ZBBX: variants seen among roughly 807,000 people sequenced by gnomAD.
The protein encoded by ZBBX is zinc finger B-box domain containing.
A neutral mutation model predicts 108.5 loss-of-function variants in ZBBX; 101 were observed. That is an observed-to-expected ratio of 0.93 (90% CI 0.79 to 1.10). ZBBX has a LOEUF of 1.10. Ranked by LOEUF, ZBBX falls within the 50% of genes least tolerant of loss-of-function variation. ZBBX has a pLI of 0.00. For missense variants in ZBBX, 1,009 were observed against 941.4 expected (o/e 1.07, Z -0.94); for synonymous variants, 356 against 323.4 (o/e 1.10, Z -1.08).
intron 9 of ZBBX, among the ~76,000 whole-genome samples, chr3:167,336,826 T>C (rs1739633156): frequency 6.6e-6 from 1 of 152,248 alleles, no homozygotes; most frequent in Admixed American, 6.5e-5. Context: ...TTTGTTTGTT[T>C]CTTTGCTTTT....
intron 19 of ZBBX, among the ~76,000 whole-genome samples, chr3:167,286,936 C>T (rs1306864867): frequency 6.6e-6 from 1 of 152,058 alleles, no homozygotes; most frequent in Non-Finnish European, 1.5e-5. Context: ...TGTGACAGAG[C>T]CAGGCAATTT....
At chr3:167,361,879 T>C (rs181481505) in intron 6 of ZBBX, among the ~76,000 whole-genome samples, 2 of 152,192 alleles carry the variant, frequency 1.3e-5, no homozygotes, top group Non-Finnish European at 2.9e-5. Flanking sequence ...TGGATAGATA[T>C]GCCCAAGCAA....
chr3:167,352,187 C>A (rs1224812045), intron 8 of ZBBX, among the ~76,000 whole-genome samples: 1 of 151,604 alleles, frequency 6.6e-6, no homozygotes, highest in Non-Finnish European at 1.5e-5. Context: ...TGTAAAAAAT[C>A]AACAAAATGA....
intron 11 of ZBBX, among the ~76,000 whole-genome samples, chr3:167,325,961 C>G (rs942567314): frequency 6.6e-6 from 1 of 152,040 alleles, no homozygotes; most frequent in South Asian, 2.1e-4. Flanking sequence ...AGAGTACAAC[C>G]AACACAGTAA....
chr3:167,255,516 T>C (rs1438717089), intron 20 of ZBBX, among the ~76,000 whole-genome samples: 1 of 152,118 alleles, frequency 6.6e-6, no homozygotes, highest in Non-Finnish European at 1.5e-5. Context: ...CAGTATGATC[T>C]AGATTAGCAT....
chr3:167,265,369 A>G (rs1030947504), intron 20 of ZBBX, among the ~76,000 whole-genome samples: 1 of 152,078 alleles, frequency 6.6e-6, no homozygotes, highest in Non-Finnish European at 1.5e-5. Context: ...GTGTCAAGAA[A>G]TATCATCTAG....
At chr3:167,386,468 G>C (rs1209827213) in intron 1 of ZBBX, among the ~76,000 whole-genome samples, 1 of 152,000 alleles carries the variant, frequency 6.6e-6, no homozygotes, top group Non-Finnish European at 1.5e-5. Flanking sequence ...CAGCAGTAGA[G>C]CGTTGATCTG....
rs184688170 is a variant in ZBBX at position 167,265,711 on chromosome 3, C to G, written c.2254+16527G>C. Among the ~76,000 whole-genome samples the G allele has an allele frequency of 3.3e-4, 50 of 152,294 alleles. No individual in the cohort carries two copies. In the East Asian group the frequency reaches 5.0e-3, roughly 15 times the overall value. Reference sequence around the variant, plus strand: ...TGCCTTTCAAGTTTACCTATGACCCCCAGGCACTTCAGCTCAATGTGGCAT... The same window carrying G: ...TGCCTTTCAAGTTTACCTATGACCCGCAGGCACTTCAGCTCAATGTGGCAT... On this transcript the variant is annotated intron_variant, in intron 20 of 21. Coordinates refer to ENST00000675490, the MANE Select transcript of ZBBX (RefSeq NM_001199201.2).
intron 14 of ZBBX, 142 bp from the exon 15 acceptor site, chr3:167,315,971 A>G: frequency 1.9e-6 from 1 of 532,368 alleles, no homozygotes; most frequent in East Asian, 3.0e-5. Context: ...TATAACACAT[A>G]AGTTCTAGGA....
intron 20 of ZBBX, among the ~76,000 whole-genome samples, chr3:167,243,245 C>A (rs1433865630): frequency 6.6e-6 from 1 of 152,236 alleles, no homozygotes; most frequent in East Asian, 1.9e-4. Context: ...ATATAAACTA[C>A]CAAAAATTCA....
At chr3:167,188,646 C>T in the ZBBX span, among the ~76,000 whole-genome samples, 34 of 152,304 alleles carry the variant, frequency 2.2e-4, no homozygotes, top group East Asian at 6.2e-3. Flanking sequence ...AAACTTATTT[C>T]CTTTTCCTTT....
At chr3:167,216,134 C>T in the ZBBX span, among the ~76,000 whole-genome samples, 1 of 152,092 alleles carries the variant, frequency 6.6e-6, no homozygotes, top group Non-Finnish European at 1.5e-5. Context: ...CCAGAGCAAT[C>T]AGGCAAGAGA....
At chr3:167,264,990 T>C (rs1240198301) in intron 20 of ZBBX, among the ~76,000 whole-genome samples, 1 of 152,228 alleles carries the variant, frequency 6.6e-6, no homozygotes, top group Non-Finnish European at 1.5e-5. Flanking sequence ...ATCTGGCCCA[T>C]GCCAGGCCAA....
intron 16 of ZBBX, among the ~76,000 whole-genome samples, chr3:167,306,625 TGA>T (rs1159839088): frequency 6.6e-6 from 1 of 152,216 alleles, no homozygotes; most frequent in Non-Finnish European, 1.5e-5. Context: ...AATCAGATCC[TGA>T]GAGTGGAACT....
chr3:167,238,295 C>G (rs1003604352), downstream of ZBBX, among the ~76,000 whole-genome samples: 2 of 151,958 alleles, frequency 1.3e-5, no homozygotes, highest in African/African-American at 4.8e-5. Context: ...GGGATTGTGA[C>G]AGAGGACATG....
chr3:167,314,312 G>C (rs1735074458), intron 15 of ZBBX, among the ~76,000 whole-genome samples, 196 bp from the exon 16 acceptor site: 1 of 152,088 alleles, frequency 6.6e-6, no homozygotes, highest in Non-Finnish European at 1.5e-5. Context: ...GATTTAAGAT[G>C]AATAGGTAAC....
chr3:167,317,621 T>C, intron 12 of ZBBX, 24 bp from the exon 13 acceptor site: 1 of 1,522,156 alleles, frequency 6.6e-7, no homozygotes, highest in South Asian at 1.2e-5. Context: ...AAGAAGCAAT[T>C]AAGAGACTGA....
the ZBBX span, among the ~76,000 whole-genome samples, chr3:167,211,315 C>T: frequency 6.6e-6 from 1 of 152,168 alleles, no homozygotes; most frequent in Non-Finnish European, 1.5e-5. Context: ...GACAGAGCTA[C>T]GTGGAGTTTC....
At chr3:167,199,211 T>C in the ZBBX span, among the ~76,000 whole-genome samples, 1 of 152,168 alleles carries the variant, frequency 6.6e-6, no homozygotes, top group Non-Finnish European at 1.5e-5. Context: ...GATTGTGAAA[T>C]ATGCCTTGTA....
Sources: allele counts gnomAD v4.1 joint callset (sites outside exome capture counted in the v4.1 genomes callset), GRCh38; gene constraint gnomAD v4.1.1; transcripts MANE v1.5; gene names NCBI Gene and HGNC (gene_info 2026-07-23, HGNC 2026-07-21).